The following LIPC variants were observed in gnomAD, a reference collection of about 807,000 sequenced individuals.
LIPC encodes hepatic triacylglycerol lipase.
LIPC carries 44 observed loss-of-function variants against 50.7 expected under a neutral mutation model. The ratio of observed to expected loss-of-function variants is 0.87; its 90% CI spans 0.68 to 1.11. The LOEUF (loss-of-function observed/expected upper bound fraction) is 1.11. LIPC is among the 50% of genes most tolerant of loss of function. The pLI is 0.00. For missense variants in LIPC, 697 were observed against 648.2 expected (o/e 1.08, Z -0.82); for synonymous variants, 271 against 256.4 (o/e 1.06, Z -0.54).
At chr15:58,480,479 G>C (rs1349365078) in intron 1 of LIPC, among the ~76,000 whole-genome samples, 2 of 152,044 alleles carry the variant, frequency 1.3e-5, no homozygotes, top group African/African-American at 4.8e-5. Context: ...ATTTTTAGTA[G>C]AGATGAGGTT....
intron 1 of LIPC, among the ~76,000 whole-genome samples, chr15:58,535,258 G>A (rs1263895039): frequency 6.6e-6 from 1 of 152,244 alleles, no homozygotes; most frequent in Non-Finnish European, 1.5e-5. Flanking sequence ...CCTGAAAGGA[G>A]CCACATGCTG....
chr15:58,538,425 G>A lies in LIPC; in HGVS notation c.181G>A (p.Gly61Ser). ...RFLLFGETNQ[G>S]CQIRINHPDT... ...CCTGCTCTTTGGAGAAACCAATCAGGGCTGTCAGATTCGAATCAATCATCC... is the reference window on the plus strand; with the variant it reads ...CCTGCTCTTTGGAGAAACCAATCAGAGCTGTCAGATTCGAATCAATCATCC... The change falls in exon 2 of 9, where the codon GGC (glycine) becomes AGC (serine). Residue 61 changes from glycine (G) to serine (S), a missense_variant. Coordinates refer to ENST00000299022, the MANE Select transcript of LIPC (RefSeq NM_000236.3). 1 of 1,614,142 alleles carries A rather than the reference G, an allele frequency of 6.2e-7. No homozygotes were observed. Among genetic ancestry groups the A allele is most frequent in the Middle Eastern group, 1.6e-4 (1 of 6,062 alleles).
chr15:58,503,245 TTTTA>T (rs1271177394), intron 1 of LIPC, among the ~76,000 whole-genome samples: 1 of 152,130 alleles, frequency 6.6e-6, no homozygotes, highest in East Asian at 1.9e-4. Context: ...AGAACCAAGA[TTTTA>T]TTTGTCTTCC....
chr15:58,508,600 G>A (rs1278612051), intron 1 of LIPC, among the ~76,000 whole-genome samples: 1 of 152,128 alleles, frequency 6.6e-6, no homozygotes, highest in East Asian at 1.9e-4. Context: ...GTTAATATGG[G>A]AACATTTGGA....
At chr15:58,528,439 C>A (rs1444124960) in intron 1 of LIPC, among the ~76,000 whole-genome samples, 1 of 152,218 alleles carries the variant, frequency 6.6e-6, no homozygotes, top group Non-Finnish European at 1.5e-5. Context: ...GGTTAAATAA[C>A]TAGCCCAAGG....
chr15:58,469,765 G>A (rs757068387), intron 1 of LIPC, among the ~76,000 whole-genome samples: 58 of 152,294 alleles, frequency 3.8e-4, no homozygotes, highest in Non-Finnish European at 6.5e-4. Context: ...TGGCCCAGTG[G>A]ATTCCAGTTA....
intron 7 of LIPC, among the ~76,000 whole-genome samples, chr15:58,562,985 G>A (rs1196330863): frequency 6.6e-6 from 1 of 152,210 alleles, no homozygotes; most frequent in African/African-American, 2.4e-5. Context: ...TGATACCTCA[G>A]AGTCTGCATT....
chr15:58,546,969 C>A (rs1893553403), intron 5 of LIPC, among the ~76,000 whole-genome samples: 1 of 151,772 alleles, frequency 6.6e-6, no homozygotes, highest in African/African-American at 2.4e-5. Flanking sequence ...ACCTCCCCTC[C>A]AGCCACCAGC....
intron 1 of LIPC, among the ~76,000 whole-genome samples, chr15:58,478,034 C>A (rs749001451): frequency 1.3e-5 from 2 of 152,128 alleles, no homozygotes; most frequent in Non-Finnish European, 2.9e-5. Flanking sequence ...TGGCTTTCAG[C>A]TCCTACCCCA....
intron 6 of LIPC, among the ~76,000 whole-genome samples, chr15:58,556,242 G>C (rs1266291694): frequency 6.6e-6 from 1 of 152,200 alleles, no homozygotes; most frequent in Non-Finnish European, 1.5e-5. Context: ...CAGAGAGCCT[G>C]TGAAGTACTC....
intron 1 of LIPC, among the ~76,000 whole-genome samples, chr15:58,488,520 G>T (rs1178583158): frequency 6.6e-6 from 1 of 152,020 alleles, no homozygotes; most frequent in Non-Finnish European, 1.5e-5. Flanking sequence ...TCCAGAGTTA[G>T]CCCCCTTGGA....
intron 8 of LIPC, among the ~76,000 whole-genome samples, chr15:58,567,433 T>C (rs980839720): frequency 1.3e-5 from 2 of 149,096 alleles, no homozygotes; most frequent in Non-Finnish European, 3.0e-5. Flanking sequence ...CATGTTTAAA[T>C]ATGCATACTA....
At chr15:58,535,245 A>G (rs976307697) in intron 1 of LIPC, among the ~76,000 whole-genome samples, 1 of 152,128 alleles carries the variant, frequency 6.6e-6, no homozygotes, top group Middle Eastern at 3.2e-3. Context: ...GGGGCTGGGG[A>G]CTCCTGAAAG....
At chr15:58,465,579 A>C (rs571942458) in intron 1 of LIPC, among the ~76,000 whole-genome samples, 1 of 152,168 alleles carries the variant, frequency 6.6e-6, no homozygotes, top group Non-Finnish European at 1.5e-5. Context: ...TGAGGTGTAG[A>C]TTACGGGTCA....
At chr15:58,514,673 A>T (rs11071384) in intron 1 of LIPC, among the ~76,000 whole-genome samples, 30,299 of 152,018 alleles carry the variant, frequency 0.2, 3,735 homozygotes, top group South Asian at 0.39. Context: ...AAAATACAAA[A>T]ATTAGCCAGG....
intron 1 of LIPC, among the ~76,000 whole-genome samples, chr15:58,454,063 T>C (rs1894017330): frequency 6.6e-6 from 1 of 152,148 alleles, no homozygotes; most frequent in Non-Finnish European, 1.5e-5. Flanking sequence ...AGAGATTAAG[T>C]GACAAGCCCA....
At chr15:58,513,675 T>C (rs1892400132) in intron 1 of LIPC, among the ~76,000 whole-genome samples, 1 of 152,158 alleles carries the variant, frequency 6.6e-6, no homozygotes, top group Non-Finnish European at 1.5e-5. Context: ...AGCACGTCCC[T>C]CAAATAAAAG....
chr15:58,560,766 TC>T, intron 6 of LIPC, 97 bp from the exon 7 acceptor site: 1 of 690,622 alleles, frequency 1.4e-6, no homozygotes, highest in Non-Finnish European at 2.6e-6. Context: ...TCCAAACTCT[TC>T]CCTCTGCATG....
chr15:58,438,081 G>A (rs555723535), intron 1 of LIPC, among the ~76,000 whole-genome samples: 5 of 152,252 alleles, frequency 3.3e-5, no homozygotes, highest in East Asian at 1.9e-4. Context: ...AAGCTGACCC[G>A]AAAACATGAA....
Sources: allele counts gnomAD v4.1 joint callset (sites outside exome capture counted in the v4.1 genomes callset), GRCh38; gene constraint gnomAD v4.1.1; transcripts MANE v1.5; gene names NCBI Gene and HGNC (gene_info 2026-07-23, HGNC 2026-07-21).